The following TPP2 variants were observed in gnomAD, a reference collection of about 807,000 sequenced individuals.
The protein encoded by TPP2 is tripeptidyl-peptidase 2.
Under a neutral mutation model 155.9 loss-of-function variants are expected in TPP2, and 34 were observed. The ratio of observed to expected loss-of-function variants is 0.22; its 90% CI spans 0.17 to 0.29. The LOEUF (loss-of-function observed/expected upper bound fraction) is 0.29, where lower values mean the gene tolerates loss of function less well. TPP2 is among the 10% of genes least tolerant of loss of function. TPP2 has a pLI of 1.00. For synonymous variants in TPP2, 510 were observed against 529.4 expected (o/e 0.96, Z 0.50); for missense variants, 1,028 against 1,522.3 (o/e 0.68, Z 5.40).
intron 4 of TPP2, 86 bp downstream of exon 4, chr13:102,616,586 C>A (rs903536231): frequency 8.9e-7 from 1 of 1,126,164 alleles, no homozygotes; most frequent in Admixed American, 3.3e-5. Context: ...TGTTTTTCCA[C>A]AAGTTTTCTT....
chr13:102,628,100 G>T (rs139093235), intron 8 of TPP2, among the ~76,000 whole-genome samples, 176 bp downstream of exon 8: 2 of 152,058 alleles, frequency 1.3e-5, no homozygotes, highest in Non-Finnish European at 2.9e-5. Context: ...CTCGTAGGCC[G>T]CACACCCCCG....
At chr13:102,603,096 A>G (rs1004619166) in intron 1 of TPP2, among the ~76,000 whole-genome samples, 1 of 152,174 alleles carries the variant, frequency 6.6e-6, no homozygotes, top group Non-Finnish European at 1.5e-5. Context: ...ACTTGTAGCA[A>G]TCATGTTATG....
intron 13 of TPP2, 121 bp downstream of exon 13, chr13:102,636,513 GATT>G (rs750415860): frequency 1.9e-4 from 226 of 1,204,898 alleles, no homozygotes; most frequent in Admixed American, 1.0e-3. Flanking sequence ...TTGACAGTAT[GATT>G]ATTTTAAATC....
At chr13:102,624,202 G>A (rs1441557142) in intron 6 of TPP2, among the ~76,000 whole-genome samples, 1 of 152,138 alleles carries the variant, frequency 6.6e-6, no homozygotes, top group Non-Finnish European at 1.5e-5. Flanking sequence ...TCGTGAAAAT[G>A]TTAAATATAT....
intron 1 of TPP2, 25 bp downstream of exon 1, chr13:102,597,228 GCGCGGGGGCGCGGGCGGCCGGGGA>G: frequency 7.7e-7 from 1 of 1,298,534 alleles, no homozygotes; most frequent in Non-Finnish European, 9.9e-7. Flanking sequence ...GAGGGCCCGG[GCGCGGGGGCGCGGGCGGCCGGGGA>G]CGCGGGTGGG....
intron 27 of TPP2, among the ~76,000 whole-genome samples, chr13:102,671,567 C>T (rs1406119051): frequency 3.3e-5 from 5 of 152,166 alleles, no homozygotes; most frequent in South Asian, 2.1e-4. Flanking sequence ...TTCTTTAATG[C>T]TTTTCCTTAT....
intron 27 of TPP2, among the ~76,000 whole-genome samples, chr13:102,665,590 G>A (rs1355646660): frequency 2.0e-5 from 3 of 152,124 alleles, no homozygotes; most frequent in Admixed American, 6.6e-5. Flanking sequence ...GAACCAAGCT[G>A]CCATTTGGTC....
In TPP2 at chr13:102,664,026, G is replaced by A. The variant is rs1447078350; in HGVS notation, c.3240+282G>A. Among the ~76,000 whole-genome samples the A allele has an allele frequency of 2.6e-5, 4 of 152,354 alleles. No individual in the cohort carries two copies. The East Asian group carries it at 7.7e-4, about 29-fold the overall frequency. On this transcript the variant is annotated intron_variant, in intron 26 of 29. Coordinates refer to ENST00000376052, the MANE Select transcript of TPP2 (RefSeq NM_001330588.2). ...ACCTTAACCTAAAGGGCAAGGGGCA[G>A]AACGTAGTAATCCTGGCCAGATGGA... is the stretch of plus-strand genomic sequence containing the variant.
rs185953364 is a variant in TPP2 at position 102,639,503 on chromosome 13, C to T, written c.1914-767C>T. On this transcript the variant is annotated intron_variant, in intron 15 of 29. Transcript: ENST00000376052. ...TAAGACCTTCAGGAGTCAGCTGCCACGCCATCTCCTTCAGGAAGCTTCCCA... is the reference window on the plus strand; with the variant it reads ...TAAGACCTTCAGGAGTCAGCTGCCATGCCATCTCCTTCAGGAAGCTTCCCA... Among the ~76,000 whole-genome samples the T allele has an allele frequency of 3.9e-3, 589 of 152,296 alleles. 4 individuals carry two copies. The highest frequency in any genetic ancestry group is 5.9e-3 in the Non-Finnish European group (404 of 68,022).
At position 102,626,992 on chromosome 13, in the gene TPP2, C is replaced by T; in HGVS notation, c.785-20C>T. On this transcript the variant is annotated intron_variant, in intron 6 of 29. Coordinates refer to ENST00000376052, the MANE Select transcript of TPP2 (RefSeq NM_001330588.2). ...AGTCCATGAGAATGTTTTGTCATTTCCCCACCTTTGTGTCTCTAGGAGCTC... is the reference window on the plus strand; with the variant it reads ...AGTCCATGAGAATGTTTTGTCATTTTCCCACCTTTGTGTCTCTAGGAGCTC... The T allele has an allele frequency of 1.3e-6, 2 of 1,506,722 alleles. No individual in the cohort carries two copies. Among genetic ancestry groups the T allele is most frequent in the Non-Finnish European group, 1.8e-6 (2 of 1,129,070 alleles). The allele number at this position is 1,506,722 out of a possible 1,614,324, so 93.3% of individuals were successfully genotyped here. A position where few individuals can be genotyped will look rare whatever the true frequency, so the allele number is the denominator to read the frequency against.
rs142818848 is a variant in TPP2 at position 102,664,264 on chromosome 13, C to G, written c.3240+520C>G. Among the ~76,000 whole-genome samples the G allele has an allele frequency of 5.6e-4, 85 of 152,206 alleles. No individual in the cohort carries two copies. The East Asian group carries it at 0.015, about 27-fold the overall frequency. ...TATTTAAAGGAGATTTCTTAAAAGA[C>G]TTTAACAAGAGAGAAGCAAATTGTT... On this transcript the variant is annotated intron_variant, in intron 26 of 29. Coordinates refer to ENST00000376052, the MANE Select transcript of TPP2 (RefSeq NM_001330588.2).
chr13:102,614,957 TGCTGATACAAGTA>T (rs1595142652), intron 3 of TPP2, among the ~76,000 whole-genome samples: 1 of 152,178 alleles, frequency 6.6e-6, no homozygotes, highest in African/African-American at 2.4e-5. Flanking sequence ...GTTTTAAGAA[TGCTGATACAAGTA>T]GCTGATACAA....
At position 102,659,339 on chromosome 13, in the gene TPP2, A is replaced by G. The variant is rs146560402; in HGVS notation, c.3143+2132A>G. Among the ~76,000 whole-genome samples the G allele has an allele frequency of 1.0e-3, 158 of 152,324 alleles. 1 individual carries two copies. The highest frequency in any genetic ancestry group is 3.5e-3 in the African/African-American group (145 of 41,572). ...GGCTGGAAACACCCCATATTTATTG[A>G]AAGACATTAACCTACATATCCAGGG... On this transcript the variant is annotated intron_variant, in intron 25 of 29. Transcript: ENST00000376052.
At chr13:102,651,240 GCC>G in intron 23 of TPP2, 117 bp from the exon 24 acceptor site, 3 of 1,057,516 alleles carry the variant, frequency 2.8e-6, no homozygotes, top group Non-Finnish European at 4.0e-6. Context: ...ACAGACCTGA[GCC>G]TTCTAAGTGG....
intron 25 of TPP2, among the ~76,000 whole-genome samples, chr13:102,661,243 C>A (rs1034733787): frequency 6.9e-6 from 1 of 144,048 alleles, no homozygotes; most frequent in Admixed American, 7.1e-5. Context: ...ATATAAAGAA[C>A]GCTAACCTTT....
At chr13:102,620,834 G>A (rs1346807133) in intron 5 of TPP2, among the ~76,000 whole-genome samples, 1 of 152,178 alleles carries the variant, frequency 6.6e-6, no homozygotes, top group Non-Finnish European at 1.5e-5. Context: ...GAAGCTATTA[G>A]TTGATTTCTT....
At chr13:102,622,685 T>A (rs916227112) in intron 5 of TPP2, among the ~76,000 whole-genome samples, 192 bp from the exon 6 acceptor site, 2 of 152,220 alleles carry the variant, frequency 1.3e-5, no homozygotes, top group Non-Finnish European at 2.9e-5. Flanking sequence ...ATTTAAGAAC[T>A]GGTTGCTGTA....
At chr13:102,663,041 G>A (rs1166289985) in intron 25 of TPP2, among the ~76,000 whole-genome samples, 2 of 151,728 alleles carry the variant, frequency 1.3e-5, no homozygotes, top group African/African-American at 4.8e-5. Context: ...ATAATAGCTG[G>A]TATGTAAGAA....
At chr13:102,614,018 A>C (rs1412270832) in intron 2 of TPP2, 83 bp from the exon 3 acceptor site, 1 of 1,162,378 alleles carries the variant, frequency 8.6e-7, no homozygotes, top group Non-Finnish European at 1.2e-6. Context: ...GAGTAGAAGT[A>C]ATATACTTTT....
Sources: allele counts gnomAD v4.1 joint callset (sites outside exome capture counted in the v4.1 genomes callset), GRCh38; gene constraint gnomAD v4.1.1; transcripts MANE v1.5; gene names NCBI Gene and HGNC (gene_info 2026-07-23, HGNC 2026-07-21).